Variants in UGT1A6 observed in about 807,000 individuals in gnomAD.
The protein encoded by UGT1A6 is UDP glucuronosyltransferase family 1 member A6.
UGT1A6 carries 32 observed loss-of-function variants against 44.4 expected under a neutral mutation model. That is an observed-to-expected ratio of 0.72 (90% CI 0.54 to 0.97). The LOEUF (loss-of-function observed/expected upper bound fraction) is 0.97, where lower values mean the gene tolerates loss of function less well. Ranked by LOEUF, UGT1A6 falls within the 50% of genes least tolerant of loss-of-function variation. The pLI is 0.00. For synonymous variants in UGT1A6, 238 were observed against 248.5 expected (o/e 0.96, Z 0.40); for missense variants, 685 against 661.9 (o/e 1.03, Z -0.38).
At chr2:233,770,387 C>CT (rs1226328342) in intron 4 of UGT1A6, 1 of 152,208 alleles carries the variant, frequency 6.6e-6, no homozygotes, top group Non-Finnish European at 1.5e-5. Flanking sequence ...GGTACGGTGG[C>CT]TCATGCCTGT....
chr2:233,757,560 ATG>A lies in UGT1A6; in HGVS notation c.862-9472_862-9471del, dbSNP rs199649558. The stretch of plus-strand genomic sequence containing the variant: ...AATATATATATATATATATATATAT[ATG>A]TATATATGATATAGCTATAGTCTAA... On this transcript the variant is annotated intron_variant, in intron 1 of 4. Transcript: ENST00000305139. 4.4e-3 allele frequency among the ~76,000 whole-genome samples: 540 copies of A among 123,120 alleles called. 38 individuals are homozygous for A. Among genetic ancestry groups the A allele is most frequent in the African/African-American group, 0.017 (503 of 29,340 alleles). 80.8% of individuals were successfully genotyped at this position (123,120 alleles called of 152,430 possible). A position where few individuals can be genotyped will look rare whatever the true frequency, so the allele number is the denominator to read the frequency against.
intron 1 of UGT1A6, chr2:233,739,179 C>T (rs1480075812): frequency 1.3e-5 from 2 of 152,348 alleles, no homozygotes; most frequent in East Asian, 3.9e-4. Context: ...TAAGGAAATG[C>T]TTGGATGTCC....
chr2:233,766,884 A>G, intron 1 of UGT1A6, 150 bp from the exon 2 acceptor site: 2 of 1,457,402 alleles, frequency 1.4e-6, no homozygotes, highest in Non-Finnish European at 1.8e-6. Context: ...ATGCTGTAAA[A>G]CTTACATATT....
chr2:233,697,327 T>C (rs960818625), intron 1 of UGT1A6, among the ~76,000 whole-genome samples: 1 of 152,152 alleles, frequency 6.6e-6, no homozygotes, highest in Non-Finnish European at 1.5e-5. Context: ...TGTTTGGAAA[T>C]GTATCCATTT....
chr2:233,757,549 T>TATATATATATATATATATATATAC (rs1696618435), intron 1 of UGT1A6, among the ~76,000 whole-genome samples: 1 of 133,970 alleles, frequency 7.5e-6, no homozygotes, highest in East Asian at 2.0e-4. Flanking sequence ...TATATATATA[T>TATATATATATATATATATATATAC]ATATATATAT....
intron 1 of UGT1A6, among the ~76,000 whole-genome samples, chr2:233,727,487 G>T (rs980960978): frequency 2.0e-5 from 3 of 152,164 alleles, no homozygotes; most frequent in Admixed American, 6.5e-5. Context: ...CTACTTGGAG[G>T]TAGAACATGG....
At chr2:233,731,193 A>T (rs750244105) in intron 1 of UGT1A6, among the ~76,000 whole-genome samples, 1 of 152,062 alleles carries the variant, frequency 6.6e-6, no homozygotes, top group Admixed American at 6.6e-5. Context: ...TAATTATTCA[A>T]TTATAAAATA....
chr2:233,760,579 A>T lies in UGT1A6; in HGVS notation c.862-6455A>T. 1.2e-6 allele frequency: 2 copies of T among 1,614,220 alleles called. No homozygotes were observed. Among genetic ancestry groups the T allele is most frequent in the Non-Finnish European group, 1.7e-6 (2 of 1,180,050 alleles). On this transcript the variant is annotated intron_variant, in intron 1 of 4. Transcript: ENST00000305139. ...AGAGTCTTTTGTTAGTCTCGGGCATAATGTTTTTGAGAATGATTCTTTCCT... is the reference window on the plus strand; with the variant it reads ...AGAGTCTTTTGTTAGTCTCGGGCATTATGTTTTTGAGAATGATTCTTTCCT...
chr2:233,761,935 G>A (rs1036526239), intron 1 of UGT1A6, among the ~76,000 whole-genome samples: 1 of 152,192 alleles, frequency 6.6e-6, no homozygotes, highest in African/African-American at 2.4e-5. Context: ...GCACTTCCCA[G>A]GTGCTGCGTC....
At chr2:233,718,714 A>C in intron 1 of UGT1A6, 1 of 1,607,990 alleles carries the variant, frequency 6.2e-7, no homozygotes, top group Non-Finnish European at 8.5e-7. Flanking sequence ...TTCCAATTAC[A>C]TGCTGATTTG....
intron 4 of UGT1A6, 126 bp from the exon 5 acceptor site, chr2:233,772,136 A>G (rs1700469037): frequency 6.5e-7 from 1 of 1,547,408 alleles, no homozygotes; most frequent in Non-Finnish European, 8.7e-7. Flanking sequence ...AACAACAATA[A>G]TAGAAACAGG....
upstream of UGT1A6, chr2:233,692,753 T>C: frequency 8.8e-7 from 1 of 1,135,016 alleles, no homozygotes; most frequent in African/African-American, 1.6e-5. Flanking sequence ...AGCAGACTTG[T>C]GGAGCTGAAG....
At chr2:233,718,662 T>C (rs2076673161) in intron 1 of UGT1A6, 13 of 1,536,316 alleles carry the variant, frequency 8.5e-6, no homozygotes, top group Admixed American at 7.8e-5. Context: ...AAGGCAGTTA[T>C]AGATTAATGG....
intron 4 of UGT1A6, chr2:233,770,700 A>G (rs1353912546): frequency 1.3e-5 from 2 of 152,056 alleles, no homozygotes; most frequent in African/African-American, 4.8e-5. Flanking sequence ...AATTCATCTT[A>G]AGGTTTATGT....
intron 1 of UGT1A6, among the ~76,000 whole-genome samples, chr2:233,737,707 C>T (rs1200487929): frequency 6.6e-6 from 1 of 152,126 alleles, no homozygotes; most frequent in Non-Finnish European, 1.5e-5. Flanking sequence ...TTCCGTTCTC[C>T]TCTCCAACAC....
chr2:233,730,377 G>A (rs750998252), intron 1 of UGT1A6, among the ~76,000 whole-genome samples: 101 of 152,334 alleles, frequency 6.6e-4, no homozygotes, highest in Admixed American at 1.4e-3. Flanking sequence ...ATTTTCAGGG[G>A]AAAGATGATG....
rs961413232 is a variant in UGT1A6 at position 233,745,610 on chromosome 2, A to G, written c.862-21424A>G. Among the ~76,000 whole-genome samples the G allele has an allele frequency of 4.0e-4, 61 of 151,736 alleles. 2 individuals carry two copies. Among genetic ancestry groups the G allele is most frequent in the African/African-American group, 1.3e-3 (55 of 41,108 alleles). ...GACCCGGACTTGGCACTTGGTAAGCACACAATGAACAGTCATAGAAAGCTG... is the reference window on the plus strand; with the variant it reads ...GACCCGGACTTGGCACTTGGTAAGCGCACAATGAACAGTCATAGAAAGCTG... On this transcript the variant is annotated intron_variant, in intron 1 of 4. Coordinates refer to ENST00000305139, the MANE Select transcript of UGT1A6 (RefSeq NM_001072.4).
upstream of UGT1A6, chr2:233,691,746 C>A: frequency 1.7e-6 from 1 of 577,624 alleles, no homozygotes; most frequent in Non-Finnish European, 2.2e-6. Context: ...AGATACCAGG[C>A]TTTCTGACTC....
intron 1 of UGT1A6, among the ~76,000 whole-genome samples, chr2:233,753,838 G>A (rs1367023028): frequency 6.6e-6 from 1 of 152,204 alleles, no homozygotes; most frequent in African/African-American, 2.4e-5. Flanking sequence ...GACAGTCCTA[G>A]TATATCATTG....
Sources: allele counts gnomAD v4.1 joint callset (sites outside exome capture counted in the v4.1 genomes callset), GRCh38; gene constraint gnomAD v4.1.1; transcripts MANE v1.5; gene names NCBI Gene and HGNC (gene_info 2026-07-23, HGNC 2026-07-21).